CNTNAP3B: variants seen among roughly 807,000 people sequenced by gnomAD.
CNTNAP3B encodes contactin associated protein family member 3B, also known as contactin-associated protein-like 3B.
A neutral mutation model predicts 108.9 loss-of-function variants in CNTNAP3B; 25 were observed. That is an observed-to-expected ratio of 0.23 (90% CI 0.17 to 0.32). CNTNAP3B has a LOEUF of 0.32. CNTNAP3B is among the 10% of genes least tolerant of loss of function. CNTNAP3B has a pLI of 1.00. For synonymous variants in CNTNAP3B, 103 were observed against 473.4 expected, an observed-to-expected ratio of 0.22 and a Z score of 10.16; for missense variants, 252 against 1,210.4, an observed-to-expected ratio of 0.21 and a Z score of 11.75.
chr9:42,103,352 T>G (rs1436659645), intron 2 of CNTNAP3B, among the ~76,000 whole-genome samples: 1 of 147,110 alleles, frequency 6.8e-6, no homozygotes, highest in East Asian at 2.0e-4. Flanking sequence ...CATATTTATT[T>G]GGTCCAATGT....
chr9:41,938,525 T>G (rs1302925313), intron 13 of CNTNAP3B, 125 bp from the exon 14 acceptor site: 1 of 1,398,272 alleles, frequency 7.2e-7, no homozygotes, highest in Admixed American at 2.6e-5. Flanking sequence ...AAAATGAAAC[T>G]ATACTTAAAC....
At chr9:42,125,854 G>A (rs531249675) in intron 1 of CNTNAP3B, among the ~76,000 whole-genome samples, 1 of 127,640 alleles carries the variant, frequency 7.8e-6, no homozygotes, top group East Asian at 2.4e-4. Context: ...CCGACCTCAA[G>A]TGATCCACCC....
intron 15 of CNTNAP3B, among the ~76,000 whole-genome samples, chr9:41,924,784 C>G (rs1823767314): frequency 1.3e-5 from 2 of 152,266 alleles, no homozygotes; most frequent in African/African-American, 2.4e-5. Flanking sequence ...CTGCACATCA[C>G]ATGTATTACT....
intron 1 of CNTNAP3B, among the ~76,000 whole-genome samples, chr9:42,116,874 C>T (rs1265298893): frequency 7.3e-6 from 1 of 137,594 alleles, no homozygotes; most frequent in Admixed American, 7.2e-5. Context: ...GGGTTGGAAT[C>T]CTAGTCTCTG....
intron 3 of CNTNAP3B, among the ~76,000 whole-genome samples, chr9:42,057,451 C>A: frequency 8.6e-6 from 1 of 115,928 alleles, no homozygotes. Flanking sequence ...GTGATCTGCC[C>A]AACTCAGCCT....
intron 13 of CNTNAP3B, among the ~76,000 whole-genome samples, chr9:41,943,790 G>C (rs1339880790): frequency 6.6e-6 from 1 of 152,244 alleles, no homozygotes; most frequent in Admixed American, 6.5e-5. Flanking sequence ...TGACAGACAT[G>C]AAACCATAGG....
chr9:42,116,478 G>A (rs1295022232), intron 1 of CNTNAP3B, among the ~76,000 whole-genome samples: 1 of 132,326 alleles, frequency 7.6e-6, no homozygotes, highest in African/African-American at 3.1e-5. Flanking sequence ...AATGCTGAGA[G>A]ATTCTGTCAC....
intron 11 of CNTNAP3B, among the ~76,000 whole-genome samples, chr9:41,964,236 C>T (rs1825195320): frequency 6.6e-6 from 1 of 151,990 alleles, no homozygotes; most frequent in Non-Finnish European, 1.5e-5. Context: ...AAGCTGTTAA[C>T]ATCATGCATT....
chr9:42,082,922 T>G (rs1372116449), intron 2 of CNTNAP3B, among the ~76,000 whole-genome samples: 1 of 139,430 alleles, frequency 7.2e-6, no homozygotes, highest in Non-Finnish European at 1.5e-5. Context: ...GAAAGCAAGA[T>G]CCAACTATAT....
At chr9:41,999,681 T>A (rs1825963307) in intron 4 of CNTNAP3B, among the ~76,000 whole-genome samples, 1 of 40,336 alleles carries the variant, frequency 2.5e-5, no homozygotes, top group Non-Finnish European at 4.1e-5. Context: ...TTAACACCTC[T>A]GTTTTGGTTC....
chr9:41,938,798 T>C (rs1443435134), intron 13 of CNTNAP3B, among the ~76,000 whole-genome samples: 13,948 of 143,710 alleles, frequency 0.097, 93 homozygotes, highest in Middle Eastern at 0.16. Context: ...TACAAAGACA[T>C]TGATTTATCT....
chr9:42,083,116 G>C lies in CNTNAP3B; in HGVS notation c.197-6054C>G, dbSNP rs970577601. On this transcript the variant is annotated intron_variant, in intron 2 of 23. Coordinates refer to ENST00000377561, the MANE Select transcript of CNTNAP3B (RefSeq NM_001201380.3). ...AAGAAAATTATTTTGTAATGATTAA[G>C]ATGTTCTTTCATCAGAGAACATAAT... Among the ~76,000 whole-genome samples, 6 of 133,732 alleles carry C rather than the reference G, an allele frequency of 4.5e-5. 2 individuals carry two copies. Among genetic ancestry groups the C allele is most frequent in the Non-Finnish European group, 6.3e-5 (4 of 63,430 alleles). The allele number at this position is 133,732 out of a possible 152,430, so 87.7% of individuals were successfully genotyped here. A position where few individuals can be genotyped will look rare whatever the true frequency, so the allele number is the denominator to read the frequency against.
intron 14 of CNTNAP3B, among the ~76,000 whole-genome samples, chr9:41,934,110 T>TATATATATATATATATACACAC (rs1824069969): frequency 7.9e-6 from 1 of 127,044 alleles, no homozygotes; most frequent in Admixed American, 8.3e-5. Context: ...CATATATATA[T>TATATATATATATATATACACAC]ATATATATAT....
At position 41,993,449 on chromosome 9, in the gene CNTNAP3B, C is replaced by A. The variant is rs543490836; in HGVS notation, c.1072-1578G>T. On this transcript the variant is annotated intron_variant, in intron 7 of 23. Coordinates refer to ENST00000377561, the MANE Select transcript of CNTNAP3B (RefSeq NM_001201380.3). ...CTTCTTGACTATTTTTGTAATTCTG[C>A]TAAACGGAAAACACTTTTCATGACA... The A allele has an allele frequency of 5.5e-5, 6 of 109,378 alleles. 2 individuals are homozygous for A. The highest frequency in any genetic ancestry group is 2.1e-4 in the African/African-American group (6 of 27,966). The allele number at this position is 109,378 out of a possible 1,614,324, so 6.8% of individuals were successfully genotyped here.
intron 3 of CNTNAP3B, among the ~76,000 whole-genome samples, chr9:42,019,911 GA>G (rs1244228551): frequency 7.6e-6 from 1 of 131,208 alleles, no homozygotes; most frequent in East Asian, 2.1e-4. Flanking sequence ...GTACCTTATT[GA>G]AAAAAATGTA....
intron 2 of CNTNAP3B, among the ~76,000 whole-genome samples, chr9:42,103,531 G>C (rs1298275931): frequency 1.6e-5 from 2 of 122,054 alleles, no homozygotes; most frequent in Non-Finnish European, 3.3e-5. Context: ...AGACCACCTT[G>C]GCTAACATGG....
chr9:42,063,827 C>A (rs1243334696), intron 3 of CNTNAP3B, among the ~76,000 whole-genome samples: 1 of 149,404 alleles, frequency 6.7e-6, no homozygotes, highest in African/African-American at 2.5e-5. Context: ...GCTCAAGCGA[C>A]TCTCCCACCT....
chr9:41,921,421 A>T (rs1173382563), intron 17 of CNTNAP3B, among the ~76,000 whole-genome samples: 6 of 151,460 alleles, frequency 4.0e-5, no homozygotes, highest in Admixed American at 2.0e-4. Context: ...ATCCACATCC[A>T]CATACATACG....
intron 9 of CNTNAP3B, chr9:41,983,204 A>T (rs1423231911): frequency 7.3e-6 from 1 of 137,908 alleles, no homozygotes; most frequent in Non-Finnish European, 1.5e-5. Context: ...TAAGTTTAAA[A>T]AAAAAAGAGA....
Sources: allele counts gnomAD v4.1 joint callset (sites outside exome capture counted in the v4.1 genomes callset), GRCh38; gene constraint gnomAD v4.1.1; transcripts MANE v1.5; gene names NCBI Gene and HGNC (gene_info 2026-07-23, HGNC 2026-07-21).